Variants in STAB1 observed in about 807,000 individuals in gnomAD.
The protein encoded by STAB1 is stabilin-1.
Under a neutral mutation model 332.4 loss-of-function variants are expected in STAB1, and 250 were observed. That is an observed-to-expected ratio of 0.75 (90% confidence interval 0.68 to 0.84). STAB1 has a LOEUF of 0.84. Among genes scored for constraint, STAB1 ranks in the 40% least tolerant of loss-of-function variants. The pLI, the probability that STAB1 is intolerant of heterozygous loss-of-function variation, is 0.00. For synonymous variants in STAB1, 1,475 were observed against 1,390.4 expected, an observed-to-expected ratio of 1.06 and a Z score of -1.35; for missense variants, 3,249 against 3,489.7, an observed-to-expected ratio of 0.93 and a Z score of 1.74.
At chr3:52,505,256 C>T (rs572146250) in intron 13 of STAB1, 63 bp from the exon 14 acceptor site, 3 of 1,605,574 alleles carry the variant, frequency 1.9e-6, no homozygotes, top group Admixed American at 1.7e-5. Flanking sequence ...CGCAGCTTCT[C>T]CCCGCTGGGC....
chr3:52,509,449 G>T (rs1709131157), intron 22 of STAB1, 128 bp downstream of exon 22: 1 of 779,300 alleles, frequency 1.3e-6, no homozygotes, highest in South Asian at 1.9e-5. Context: ...AGTGGAGGAA[G>T]ATTTGCCTAA....
In STAB1 at chr3:52,503,417, G is replaced by T; in HGVS notation, c.768G>T (p.Gln256His). Residue 256 changes from glutamine (Q) to histidine (H), a missense_variant, in exon 8 of 69, where the codon CAG (glutamine) becomes CAT (histidine). Transcript: ENST00000321725. Reference sequence around the variant, plus strand: ...CGGTGAGCCCCAAGGGGCAGGCTCAGTGTCACTGCCCTGAGAACTACCATG... The same window carrying T: ...CGGTGAGCCCCAAGGGGCAGGCTCATTGTCACTGCCCTGAGAACTACCATG... ...QCSVSPKGQA[Q>H]CHCPENYHGD... 1 of 1,613,746 alleles carries T rather than the reference G, an allele frequency of 6.2e-7. No homozygotes were observed. Among genetic ancestry groups the T allele is most frequent in the Non-Finnish European group, 8.5e-7 (1 of 1,180,030 alleles).
At position 52,516,778 on chromosome 3, in the gene STAB1, C is replaced by T. The variant is rs747803829; in HGVS notation, c.4363+10C>T. 3.7e-6 allele frequency: 6 copies of T among 1,604,898 alleles called. No homozygotes were observed. The Admixed American group carries it at 1.0e-4, about 27-fold the overall frequency. On this transcript the variant is annotated intron_variant, in intron 41 of 68. Coordinates refer to ENST00000321725, the MANE Select transcript of STAB1 (RefSeq NM_015136.3). ...GGCATCTTCTGTTCAGGTCCAGCCA[C>T]ACGGATGCCCAGGGCCCTCCCTGAA...
At chr3:52,513,096 G>T in intron 29 of STAB1, 34 bp from the exon 30 acceptor site, 1 of 1,554,556 alleles carries the variant, frequency 6.4e-7, no homozygotes, top group Non-Finnish European at 8.7e-7. Flanking sequence ...ACACTAACCT[G>T]ATTCCATGAC....
chr3:52,519,127 C>T, intron 48 of STAB1, 137 bp from the exon 49 acceptor site: 1 of 1,237,470 alleles, frequency 8.1e-7, no homozygotes, highest in East Asian at 2.3e-5. Context: ...AGACCCCGCC[C>T]ACCTCGTCCT....
rs139998974 is a variant in STAB1, at chr3:52,505,727, C to A, written c.1641C>A (p.Ser547Arg). 1 of 1,613,918 alleles carries A rather than the reference C, an allele frequency of 6.2e-7. No individual in the cohort carries two copies. The highest frequency in any genetic ancestry group is 1.7e-5 in the Admixed American group (1 of 60,028). The change falls in exon 15 of 69, where the codon AGC becomes AGA. Residue 547 changes from serine to arginine, a missense_variant. By Grantham distance (110) the Ser-to-Arg change is moderately radical. Coordinates refer to ENST00000321725, the MANE Select transcript of STAB1 (RefSeq NM_015136.3). The part of the protein sequence containing the change: ...GPGPFTVFAP[S>R]NEAVDSLRDG... ...GGCCCTTCACAGTCTTTGCCCCAAG[C>A]AATGAGGCTGTGGACAGCTTGCGTG...
rs754293315 is a variant in STAB1 at position 52,517,206 on chromosome 3, T to C, written c.4489+97T>C. On this transcript the variant is annotated intron_variant, in intron 42 of 68. Transcript: ENST00000321725. Reference sequence around the variant, plus strand: ...GAAGGGCTGAAGGGGCACATGGGACTTGTGGGGACTGGGGGCGCTGAGAGA... The same window carrying C: ...GAAGGGCTGAAGGGGCACATGGGACCTGTGGGGACTGGGGGCGCTGAGAGA... 7.4e-4 allele frequency: 1,111 copies of C among 1,502,108 alleles called. 3 individuals are homozygous for C. Among genetic ancestry groups the C allele is most frequent in the Non-Finnish European group, 9.0e-4 (1,014 of 1,125,948 alleles). The allele number at this position is 1,502,108 out of a possible 1,614,324, so 93.0% of individuals were successfully genotyped here.
In STAB1 at chr3:52,512,424, A is replaced by G; in HGVS notation, c.2967A>G (p.Gly989=). The change falls in exon 27 of 69, where the codon GGA becomes GGG. Residue 989 remains glycine (G), a synonymous_variant. Coordinates refer to ENST00000321725, the MANE Select transcript of STAB1 (RefSeq NM_015136.3). ...GFGGDGFSCY[G]DIFRELEANA... ...GGGGTGATGGCTTCAGCTGTTATGG[A>G]GACATCTTCCGGGTAAGGGGTGCTC... The G allele has an allele frequency of 6.2e-7, 1 of 1,610,260 alleles. No individual in the cohort carries two copies. Among genetic ancestry groups the G allele is most frequent in the African/African-American group, 1.3e-5 (1 of 74,628 alleles).
rs1432469135 is a variant in STAB1 at position 52,518,750 on chromosome 3, C to T, written c.4915C>T (p.Arg1639Cys). ...QDELARIRAH[R>C]QLVFRYHVVG... ...TGAGCTGGCCCGGATTCGTGCGCAT[C>T]GCCAGCTGGTGTTTCGCTACCACGT... is the stretch of plus-strand genomic sequence containing the variant. Residue 1639 changes from arginine to cysteine, a missense_variant, in exon 48 of 69, where the codon CGC (arginine) becomes TGC (cysteine). Transcript: ENST00000321725. The T allele has an allele frequency of 1.9e-6, 3 of 1,612,568 alleles. No homozygotes were observed. The highest frequency in any genetic ancestry group is 1.7e-4 in the Middle Eastern group (1 of 6,056).
Position 52,523,959 on chromosome 3 carries a change from G to C in STAB1, c.7484G>C (p.Gly2495Ala), listed in dbSNP as rs1481726159. Residue 2495 changes from glycine to alanine, a missense_variant, in exon 67 of 69, where the codon GGA becomes GCA. Physicochemically the swap from Gly to Ala is moderately conservative, Grantham distance 60 (BLOSUM62 0). Coordinates refer to ENST00000321725, the MANE Select transcript of STAB1 (RefSeq NM_015136.3). Reference sequence around the variant, plus strand: ...GGAGCACTGCTTGGCTTGGTGGCCGGAGCTCTCTACCTCCGTGCCCGAGGC... The same window carrying C: ...GGAGCACTGCTTGGCTTGGTGGCCGCAGCTCTCTACCTCCGTGCCCGAGGC... ...AAGALLGLVA[G>A]ALYLRARGKP... The C allele has an allele frequency of 6.2e-7, 1 of 1,611,424 alleles. No individual in the cohort carries two copies. Among genetic ancestry groups the C allele is most frequent in the Non-Finnish European group, 8.5e-7 (1 of 1,179,938 alleles).
chr3:52,518,194 C>T, intron 45 of STAB1, 118 bp from the exon 46 acceptor site: 1 of 1,539,774 alleles, frequency 6.5e-7, no homozygotes, highest in Non-Finnish European at 8.8e-7. Context: ...AACTCAGACC[C>T]CGCGGCTTTC....
In STAB1 at chr3:52,522,831, T is replaced by A. The variant is rs746403865; in HGVS notation, c.6801T>A (p.Pro2267=). The change falls in exon 62 of 69, where the codon CCT becomes CCA. Residue 2267 remains proline (P), a synonymous_variant. Transcript: ENST00000321725. ...GWLANGSTAH[P]VVFPVADCGN... is the part of the protein sequence containing the mutation. ...TGGCCAATGGCTCCACTGCCCACCC[T>A]GTGGTTTTCCCTGTGGCGGACTGTG... The A allele has an allele frequency of 1.9e-6, 3 of 1,613,284 alleles. No individual in the cohort carries two copies. In the East Asian group the frequency reaches 6.7e-5, roughly 36 times the overall value.
At chr3:52,501,054 G>C (rs1019944545) in intron 1 of STAB1, 112 bp from the exon 2 acceptor site, 2 of 1,453,232 alleles carry the variant, frequency 1.4e-6, no homozygotes, top group Non-Finnish European at 1.9e-6. Context: ...TCTGACCCCT[G>C]AGCAGATGGG....
Position 52,518,548 on chromosome 3 carries a change from C to A in STAB1, c.4822C>A (p.Leu1608Ile), listed in dbSNP as rs868665222. 6.3e-7 allele frequency: 1 copy of A among 1,590,930 alleles called. No individual in the cohort carries two copies. Residue 1608 changes from leucine (L) to isoleucine (I), a missense_variant, in exon 47 of 69, where the codon CTC (leucine) becomes ATC (isoleucine). Transcript: ENST00000321725. ...CTGCCTCCCGCAGGAATATAAGGAG[C>A]TCAAGGGCGATGGGCCTTTCACCAT... ...FSLRLLEYKELKGDGPFTIFV... is the reference protein window; with the variant it reads ...FSLRLLEYKEIKGDGPFTIFV...
chr3:52,507,485 C>T lies in STAB1; in HGVS notation c.1990-128C>T, dbSNP rs1559685287. ...CCCTGCTCTCCTCTGCCTGGAATGCCAGTGCTGGGCTTCCTGTGGTTGGCT... is the reference window on the plus strand; with the variant it reads ...CCCTGCTCTCCTCTGCCTGGAATGCTAGTGCTGGGCTTCCTGTGGTTGGCT... On this transcript the variant is annotated intron_variant, in intron 18 of 68. Coordinates refer to ENST00000321725, the MANE Select transcript of STAB1 (RefSeq NM_015136.3). 4 of 979,074 alleles carry T rather than the reference C, an allele frequency of 4.1e-6. No individual in the cohort carries two copies. The East Asian group carries it at 7.9e-5, about 19-fold the overall frequency. 60.6% of individuals were successfully genotyped at this position (979,074 alleles called of 1,614,324 possible).
Position 52,519,363 on chromosome 3 carries a change from G to A in STAB1, c.5134G>A (p.Glu1712Lys). 6.2e-7 allele frequency: 1 copy of A among 1,613,094 alleles called. No homozygotes were observed. Among genetic ancestry groups the A allele is most frequent in the East Asian group, 2.2e-5 (1 of 44,884 alleles). ...HFIDRVLLPP[E>K]ALHWEPDDAP... is the part of the protein sequence containing the mutation. The stretch of plus-strand genomic sequence containing the variant: ...CATTGACCGTGTCCTGCTGCCCCCC[G>A]AGGCGCTGCACTGGGAGCCTGATGA... Residue 1712 changes from glutamate to lysine, a missense_variant, in exon 49 of 69, where the codon GAG (glutamate) becomes AAG (lysine). Physicochemically the swap from Glu to Lys is moderately conservative, Grantham distance 56 (BLOSUM62 1). Transcript: ENST00000321725.
At position 52,504,739 on chromosome 3, in the gene STAB1, G is replaced by T; in HGVS notation, c.1240G>T (p.Ala414Ser). ...VSSFSSRTMN[A>S]SLAQQLCRQH... ...TTTGCTCCCCGCCTTGCGTCTGCAG[G>T]CATCCCTTGCCCAGCAGCTCTGTAG... The change falls in exon 12 of 69, where the codon GCA becomes TCA. Residue 414 changes from alanine to serine, a missense_variant and splice_region_variant. Ala to Ser is a moderately conservative substitution (Grantham distance 99, BLOSUM62 1). Coordinates refer to ENST00000321725, the MANE Select transcript of STAB1 (RefSeq NM_015136.3). 1 of 1,613,720 alleles carries T rather than the reference G, an allele frequency of 6.2e-7. No individual in the cohort carries two copies. The highest frequency in any genetic ancestry group is 8.5e-7 in the Non-Finnish European group (1 of 1,180,022).
intron 13 of STAB1, 36 bp from the exon 14 acceptor site, chr3:52,505,283 C>T (rs1708768056): frequency 1.2e-6 from 2 of 1,612,712 alleles, no homozygotes; most frequent in African/African-American, 1.3e-5. Flanking sequence ...AGCCTCACCC[C>T]TTCCCTGGGG....
chr3:52,517,573 T>C lies in STAB1; in HGVS notation c.4587T>C (p.Gly1529=). The change falls in exon 44 of 69, where the codon GGT becomes GGC. Residue 1529 remains glycine (G), a synonymous_variant. Coordinates refer to ENST00000321725, the MANE Select transcript of STAB1 (RefSeq NM_015136.3). ...AGGTCTCCTGCAGCTGCCGTGAGGG[T>C]TACAGCGGGGATGGCATCCGGACCT... ...PQQVSCSCRE[G]YSGDGIRTCE... is the part of the protein sequence containing the mutation. The C allele has an allele frequency of 6.2e-7, 1 of 1,612,732 alleles. No individual in the cohort carries two copies. The highest frequency in any genetic ancestry group is 1.7e-5 in the Admixed American group (1 of 59,974).
Sources: gnomAD v4.1 joint callset for allele counts on GRCh38, gnomAD v4.1.1 for gene constraint, MANE v1.5 for transcripts, NCBI Gene and HGNC (gene_info 2026-07-23, HGNC 2026-07-21) for gene names.